PRRC2B: variants seen among roughly 807,000 people sequenced by gnomAD.
PRRC2B encodes protein PRRC2B.
A neutral mutation model predicts 242.3 loss-of-function variants in PRRC2B; 68 were observed. The observed-to-expected ratio is 0.28, with a 90% CI of 0.23 to 0.34. The LOEUF (loss-of-function observed/expected upper bound fraction) is 0.34, where lower values mean the gene tolerates loss of function less well. PRRC2B is among the 10% of genes least tolerant of loss of function. The probability of loss-of-function intolerance (pLI) is 1.00; values close to 1 mark genes in which losing one functional copy is unlikely to be tolerated. For synonymous variants in PRRC2B, 1,228 were observed against 1,173.6 expected (o/e 1.05, Z -0.95); for missense variants, 2,835 against 2,954.8 (o/e 0.96, Z 0.94).
rs184799951 is a variant in PRRC2B at position 131,379,256 on chromosome 9, G to A, written c.-56+5525G>A. On this transcript the variant is annotated intron_variant, in intron 1 of 1. Transcript: ENST00000682525. ...GTGAATAATGATGATATGAACATTC[G>A]TGTATACTTTTTTGTTAGAACATCT... Among the ~76,000 whole-genome samples, 485 of 152,164 alleles carry A rather than the reference G, an allele frequency of 3.2e-3. 3 individuals are homozygous for A. The highest frequency in any genetic ancestry group is 0.011 in the African/African-American group (451 of 41,514).
At chr9:131,375,259 C>A (rs954404940) in intron 1 of PRRC2B, among the ~76,000 whole-genome samples, 4 of 152,026 alleles carry the variant, frequency 2.6e-5, no homozygotes, top group African/African-American at 9.7e-5. Context: ...ATTAGCCGGG[C>A]ATGGTGGTGC....
rs567555869 is a variant in PRRC2B, at chr9:131,470,849, G to A, written c.1973G>A (p.Arg658His). ...PVYPPPSHPQ[R>H]TFYPHHPQML... is the part of the protein sequence containing the mutation. ...TACCCCCCGCCGTCCCACCCCCAGC[G>A]CACCTTTTACCCACACCACCCCCAG... The change falls in exon 14 of 32, where the codon CGC becomes CAC. Residue 658 changes from arginine (R) to histidine (H), a missense_variant. Arg to His is a conservative substitution (Grantham distance 29, BLOSUM62 0). Around this residue, in one of 7 missense-constraint regions of PRRC2B, gnomAD observed 1,536 missense variants for 1,483.1 expected, o/e 1.04. Transcript: ENST00000683519. The A allele has an allele frequency of 1.6e-5, 25 of 1,545,762 alleles. No homozygotes were observed. Among genetic ancestry groups the A allele is most frequent in the Middle Eastern group, 1.7e-4 (1 of 5,788 alleles).
chr9:131,487,837 A>T lies in PRRC2B; in HGVS notation c.5985-19A>T. 1 of 1,597,750 alleles carries T rather than the reference A, an allele frequency of 6.3e-7. No homozygotes were observed. The highest frequency in any genetic ancestry group is 1.1e-5 in the South Asian group (1 of 90,346). On this transcript the variant is annotated intron_variant, in intron 27 of 31. Coordinates refer to ENST00000683519, the MANE Select transcript of PRRC2B (RefSeq NM_013318.4). The surrounding 1 kb of genome is among the most constrained non-coding windows in gnomAD (Gnocchi z 5.3). ...TGGACTCATCCACCTGATCCCGACC[A>T]TCTGTCTGGCTTTTGCAGATCTCAG...
intron 4 of PRRC2B, among the ~76,000 whole-genome samples, chr9:131,438,687 A>G (rs1838457096): frequency 6.6e-6 from 1 of 152,148 alleles, no homozygotes; most frequent in Admixed American, 6.5e-5. Flanking sequence ...AATGGAGAGA[A>G]ACAGGTTTGG....
chr9:131,386,937 G>T (rs912502163), intron 1 of PRRC2B, among the ~76,000 whole-genome samples: 6 of 150,118 alleles, frequency 4.0e-5, no homozygotes, highest in Admixed American at 2.1e-4. Flanking sequence ...GCCGGTCCAG[G>T]TTCCAAAACT....
At chr9:131,382,600 G>T (rs1310917814) in intron 1 of PRRC2B, among the ~76,000 whole-genome samples, 2 of 151,556 alleles carry the variant, frequency 1.3e-5, no homozygotes, top group African/African-American at 4.9e-5. Context: ...CTGCTGGTTC[G>T]TTCGGACCCA....
At position 131,475,027 on chromosome 9, in the gene PRRC2B, A is replaced by T. The variant is rs1943648605; in HGVS notation, c.2898A>T (p.Leu966=). 2.5e-6 allele frequency: 4 copies of T among 1,607,952 alleles called. No individual in the cohort carries two copies. The highest frequency in any genetic ancestry group is 1.7e-5 in the Admixed American group (1 of 59,006). Residue 966 remains leucine (L), a synonymous_variant, in exon 16 of 32, where the codon CTA becomes CTT. Coordinates refer to ENST00000683519, the MANE Select transcript of PRRC2B (RefSeq NM_013318.4). ...AGCTTGAGAAGATTAAGCAGGAGCT[A>T]GGGGAGGAGAGTACCCGGCTGGCCA... The part of the protein sequence containing the change: ...EKELEKIKQE[L]GEESTRLAKE...
chr9:131,387,952 A>ATTACACTTT (rs1406265300), intron 1 of PRRC2B, among the ~76,000 whole-genome samples: 1 of 150,702 alleles, frequency 6.6e-6, no homozygotes, highest in Non-Finnish European at 1.5e-5. Flanking sequence ...GCACTTTGGG[A>ATTACACTTT]GGCCCAGGTG....
At chr9:131,481,132 G>T (rs1288377806) in intron 19 of PRRC2B, among the ~76,000 whole-genome samples, 1 of 151,432 alleles carries the variant, frequency 6.6e-6, no homozygotes, top group Non-Finnish European at 1.5e-5. Context: ...AAACCCCGTC[G>T]CTCCTAAAAA....
rs144615442 is a variant in PRRC2B, at chr9:131,494,027, C to T, written c.6474-378C>T. On this transcript the variant is annotated intron_variant, in intron 30 of 31. Coordinates refer to ENST00000683519, the MANE Select transcript of PRRC2B (RefSeq NM_013318.4). The surrounding 1 kb of genome is among the most constrained non-coding windows in gnomAD (Gnocchi z 4.3). ...ACTCGGCACAGTTCTGGCTCAGCGT[C>T]AGGCTTCTAGGCCTTTTGTCTGGGG... is the stretch of plus-strand genomic sequence containing the variant. Among the ~76,000 whole-genome samples, 3 of 152,372 alleles carry T rather than the reference C, an allele frequency of 2.0e-5. No individual in the cohort carries two copies. In the East Asian group the frequency reaches 5.8e-4, roughly 29 times the overall value.
At chr9:131,385,548 TG>T (rs1836815074) in intron 1 of PRRC2B, among the ~76,000 whole-genome samples, 1 of 150,454 alleles carries the variant, frequency 6.6e-6, no homozygotes, top group Non-Finnish European at 1.5e-5. Flanking sequence ...CCATGTCATT[TG>T]TGTCCTTGCC....
In PRRC2B at chr9:131,446,720, C is replaced by T. The variant is rs371482640; in HGVS notation, c.855+78C>T. 1 of 1,530,436 alleles carries T rather than the reference C, an allele frequency of 6.5e-7. No individual in the cohort carries two copies. Among genetic ancestry groups the T allele is most frequent in the Non-Finnish European group, 8.9e-7 (1 of 1,119,192 alleles). The allele number at this position is 1,530,436 out of a possible 1,614,324, so 94.8% of individuals were successfully genotyped here. A position where few individuals can be genotyped will look rare whatever the true frequency, so the allele number is the denominator to read the frequency against. ...GCAGATAGGTCAAGTGGTTGAATGT[C>T]CCCCTTGGGGTCTCCTCTTGGCCCT... On this transcript the variant is annotated intron_variant, in intron 7 of 31. Coordinates refer to ENST00000683519, the MANE Select transcript of PRRC2B (RefSeq NM_013318.4). The surrounding 1 kb of genome is among the most constrained non-coding windows in gnomAD (Gnocchi z 4.1).
At chr9:131,471,100 A>G in intron 14 of PRRC2B, 117 bp downstream of exon 14, 6 of 644,804 alleles carry the variant, frequency 9.3e-6, no homozygotes, top group South Asian at 8.4e-5. Context: ...TTTGTCAAGT[A>G]CACAACTGGT....
chr9:131,447,340 GGT>G, intron 8 of PRRC2B, 134 bp downstream of exon 8: 1 of 1,105,014 alleles, frequency 9.0e-7, no homozygotes, highest in East Asian at 2.5e-5. Context: ...AGCGTGGCAG[GGT>G]GTGTGGGGTG....
intron 23 of PRRC2B, among the ~76,000 whole-genome samples, 199 bp from the exon 24 acceptor site, chr9:131,484,487 G>T (rs760462162): frequency 3.9e-5 from 6 of 152,172 alleles, no homozygotes; most frequent in Non-Finnish European, 8.8e-5. Context: ...GGTACATGTG[G>T]CCAATACTGA....
chr9:131,427,504 G>A (rs559687772), intron 1 of PRRC2B, among the ~76,000 whole-genome samples: 35 of 152,024 alleles, frequency 2.3e-4, no homozygotes, highest in Non-Finnish European at 7.4e-5. Context: ...CTAATTTTTT[G>A]TATTTTTAGT....
chr9:131,447,288 A>C (rs989835709), intron 8 of PRRC2B, 82 bp downstream of exon 8: 15 of 1,544,748 alleles, frequency 9.7e-6, no homozygotes, highest in Non-Finnish European at 1.3e-5. Flanking sequence ...GATGAATAGA[A>C]GTGCTGTGTC....
chr9:131,464,676 G>T lies in PRRC2B; in HGVS notation c.1405-87G>T, dbSNP rs541432351. On this transcript the variant is annotated intron_variant, in intron 11 of 31. Transcript: ENST00000683519. ...CTCTTGAAGGTGCTTGAGGATCTTG[G>T]GAGGAGAACTGATCCCAAAGTGGGA... 3.2e-6 allele frequency: 4 copies of T among 1,233,818 alleles called. No homozygotes were observed. In the East Asian group the frequency reaches 7.6e-5, roughly 23 times the overall value. 76.4% of individuals were successfully genotyped at this position (1,233,818 alleles called of 1,614,324 possible). A position where few individuals can be genotyped will look rare whatever the true frequency, so the allele number is the denominator to read the frequency against.
chr9:131,373,684 T>G (rs1407664109), exon 1 of PRRC2B: 3 of 152,066 alleles, frequency 2.0e-5, no homozygotes, highest in African/African-American at 7.2e-5. Context: ...ATTCTGGGCG[T>G]GCGTGAGGGA....
Sources: gnomAD v4.1 joint callset for allele counts (sites outside exome capture counted in the v4.1 genomes callset) on GRCh38, gnomAD v4.1.1 for gene constraint, gnomAD v4.1.1 regional missense constraint, Gnocchi (gnomAD v3.1) non-coding constraint, MANE v1.5 for transcripts, NCBI Gene and HGNC (gene_info 2026-07-23, HGNC 2026-07-21) for gene names.